The following COL24A1 variants were observed in gnomAD, a reference collection of about 807,000 sequenced individuals.
COL24A1 encodes collagen type XXIV alpha 1 chain.
A neutral mutation model predicts 253.9 loss-of-function variants in COL24A1; 224 were observed. The observed-to-expected ratio is 0.88, with a 90% CI of 0.79 to 0.99. COL24A1 has a LOEUF of 0.99. Among genes scored for constraint, COL24A1 ranks in the 50% least tolerant of loss-of-function variants. The pLI is 0.00. For missense variants in COL24A1, 2,131 were observed against 2,068.5 expected (o/e 1.03, Z -0.59); for synonymous variants, 685 against 673.7 (o/e 1.02, Z -0.26).
rs930098412 is a variant in COL24A1 at position 86,106,953 on chromosome 1, C to T, written c.1599+5614G>A. ...TGTTTAACAATTTAACAACACAGTC[C>T]TCAGGGATTAGGAATCAGTTTCACT... On this transcript the variant is annotated intron_variant, in intron 5 of 59. Coordinates refer to ENST00000370571, the MANE Select transcript of COL24A1 (RefSeq NM_152890.7). Among the ~76,000 whole-genome samples the T allele has an allele frequency of 1.2e-4, 19 of 152,204 alleles. 1 individual carries two copies. The highest frequency in any genetic ancestry group is 4.6e-4 in the Admixed American group (7 of 15,296).
chr1:85,948,217 C>T (rs1254186347), intron 24 of COL24A1, among the ~76,000 whole-genome samples: 1 of 152,126 alleles, frequency 6.6e-6, no homozygotes, highest in Non-Finnish European at 1.5e-5. Context: ...TTACCATGAA[C>T]TTTTTGGTAA....
intron 19 of COL24A1, among the ~76,000 whole-genome samples, chr1:86,007,781 A>G (rs568060764): frequency 2.0e-5 from 3 of 152,338 alleles, no homozygotes; most frequent in East Asian, 1.9e-4. Flanking sequence ...CAGTAAAAAG[A>G]TCAGTGCCCA....
intron 24 of COL24A1, among the ~76,000 whole-genome samples, chr1:85,943,138 C>T (rs1688912833): frequency 6.6e-6 from 1 of 152,208 alleles, no homozygotes; most frequent in South Asian, 2.1e-4. Flanking sequence ...TCTTCTGTTG[C>T]CTTGGACATT....
intron 19 of COL24A1, among the ~76,000 whole-genome samples, chr1:86,013,807 G>A (rs1315550185): frequency 6.6e-6 from 1 of 152,160 alleles, no homozygotes; most frequent in Non-Finnish European, 1.5e-5. Flanking sequence ...CTGCATTCCA[G>A]CCTGGGCGAG....
intron 55 of COL24A1, among the ~76,000 whole-genome samples, chr1:85,758,222 A>G (rs1558010617): frequency 6.6e-6 from 1 of 152,068 alleles, no homozygotes; most frequent in Non-Finnish European, 1.5e-5. Context: ...ATTTCAGGTC[A>G]CACCCCTCTT....
chr1:85,937,587 G>C lies in COL24A1; in HGVS notation c.2562+23662C>G, dbSNP rs961176599. Among the ~76,000 whole-genome samples, 3 of 147,594 alleles carry C rather than the reference G, an allele frequency of 2.0e-5. 1 individual carries two copies. Among genetic ancestry groups the C allele is most frequent in the South Asian group, 4.9e-4 (2 of 4,122 alleles). The stretch of plus-strand genomic sequence containing the variant: ...TTGATCATCAGTCACTTCAGTGCTG[G>C]ATGATGGATATATGAATGGAATGGA... On this transcript the variant is annotated intron_variant, in intron 24 of 59. Coordinates refer to ENST00000370571, the MANE Select transcript of COL24A1 (RefSeq NM_152890.7).
At chr1:85,850,970 T>C (rs918083866) in intron 37 of COL24A1, among the ~76,000 whole-genome samples, 1 of 149,324 alleles carries the variant, frequency 6.7e-6, no homozygotes, top group Admixed American at 6.8e-5. Flanking sequence ...ATAGAACCAA[T>C]ATATGTGTAT....
At chr1:85,767,711 C>T (rs542671642) in intron 53 of COL24A1, among the ~76,000 whole-genome samples, 29 of 151,996 alleles carry the variant, frequency 1.9e-4, no homozygotes, top group Non-Finnish European at 3.1e-4. Context: ...TCCCATCTCC[C>T]TTGGGTACTG....
intron 24 of COL24A1, among the ~76,000 whole-genome samples, chr1:85,953,906 G>A (rs752968270): frequency 2.6e-4 from 40 of 152,058 alleles, no homozygotes; most frequent in Non-Finnish European, 5.3e-4. Flanking sequence ...AACAAGTAAG[G>A]TGATCAAGTT....
Position 85,734,973 on chromosome 1 carries a change from A to G in COL24A1, c.4783-9T>C, listed in dbSNP as rs372006363. On this transcript the variant is annotated splice_polypyrimidine_tract_variant and intron_variant, in intron 58 of 59. Transcript: ENST00000370571. ...CCAACTCCAAACTCCAACTAATGTC[A>G]TAGAAATGATATGCAGGTTATAACA... 6.2e-7 allele frequency: 1 copy of G among 1,612,518 alleles called. No homozygotes were observed. The highest frequency in any genetic ancestry group is 2.2e-5 in the East Asian group (1 of 44,856).
In COL24A1 at chr1:85,729,740, A is replaced by G. The variant is rs557266200; in HGVS notation, c.*806T>C. 6.5e-6 allele frequency: 1 copy of G among 152,730 alleles called. No individual in the cohort carries two copies. The highest frequency in any genetic ancestry group is 1.9e-4 in the East Asian group (1 of 5,196). The allele number at this position is 152,730 out of a possible 1,614,324, so 9.5% of individuals were successfully genotyped here. The stretch of plus-strand genomic sequence containing the variant: ...CTGGCCTATAATAATTTTTACAACA[A>G]TTTAAAAAATAAAACAAAAACAAAG... On this transcript the variant is annotated 3_prime_UTR_variant, in exon 60 of 60. Coordinates refer to ENST00000370571, the MANE Select transcript of COL24A1 (RefSeq NM_152890.7).
At chr1:85,755,975 G>GA (rs1484720078) in intron 55 of COL24A1, among the ~76,000 whole-genome samples, 3 of 122,264 alleles carry the variant, frequency 2.5e-5, no homozygotes, top group Non-Finnish European at 3.3e-5. Context: ...CCAACGGATG[G>GA]AAAAAAATAA....
At chr1:85,782,370 G>C (rs557186601) in intron 51 of COL24A1, among the ~76,000 whole-genome samples, 29 of 152,332 alleles carry the variant, frequency 1.9e-4, no homozygotes, top group African/African-American at 6.5e-4. Context: ...TTACAGGTGT[G>C]AGCCACTGCA....
intron 23 of COL24A1, among the ~76,000 whole-genome samples, chr1:85,962,627 G>A (rs548463270): frequency 1.3e-5 from 2 of 152,270 alleles, no homozygotes; most frequent in South Asian, 4.1e-4. Flanking sequence ...CTGGTAATGA[G>A]AAAGCGTCAT....
At chr1:86,051,705 A>C (rs1047243273) in intron 10 of COL24A1, among the ~76,000 whole-genome samples, 2 of 152,114 alleles carry the variant, frequency 1.3e-5, no homozygotes, top group Non-Finnish European at 2.9e-5. Flanking sequence ...CACTTTATAA[A>C]TTCACTTGGA....
chr1:86,001,112 A>G (rs977098912), intron 19 of COL24A1, among the ~76,000 whole-genome samples: 2 of 152,150 alleles, frequency 1.3e-5, no homozygotes, highest in East Asian at 3.9e-4. Context: ...TTACAATTCC[A>G]TGAAAAGCTA....
rs201241499 is a variant in COL24A1 at position 86,033,865 on chromosome 1, C to G, written c.2004+5G>C. 1,297 of 1,603,660 alleles carry G rather than the reference C, an allele frequency of 8.1e-4. 3 individuals are homozygous for G. Among genetic ancestry groups the G allele is most frequent in the Non-Finnish European group, 1.0e-3 (1,170 of 1,175,702 alleles). On this transcript the variant is annotated splice_donor_5th_base_variant and intron_variant, in intron 13 of 59. Coordinates refer to ENST00000370571, the MANE Select transcript of COL24A1 (RefSeq NM_152890.7). ...TGCAAGGCTGAACCAACATAATGTA[C>G]TCACAGGACTGCCATCAAGACCAGC...
intron 19 of COL24A1, among the ~76,000 whole-genome samples, chr1:86,009,210 C>A (rs1220071752): frequency 6.6e-6 from 1 of 152,132 alleles, no homozygotes; most frequent in African/African-American, 2.4e-5. Flanking sequence ...CATCTCAACA[C>A]ACCATAAAGT....
Position 85,823,528 on chromosome 1 carries a change from C to G in COL24A1, c.3789+8G>C. On this transcript the variant is annotated splice_region_variant and intron_variant, in intron 45 of 59. Coordinates refer to ENST00000370571, the MANE Select transcript of COL24A1 (RefSeq NM_152890.7). Reference sequence around the variant, plus strand: ...CATCTCAAATTGCCTTAAATAATTTCAACTTACTTCAGATCCTCTCTCTCC... The same window carrying G: ...CATCTCAAATTGCCTTAAATAATTTGAACTTACTTCAGATCCTCTCTCTCC... 1 of 1,613,736 alleles carries G rather than the reference C, an allele frequency of 6.2e-7. No individual in the cohort carries two copies. Among genetic ancestry groups the G allele is most frequent in the Non-Finnish European group, 8.5e-7 (1 of 1,179,820 alleles).
Sources: allele counts gnomAD v4.1 joint callset (sites outside exome capture counted in the v4.1 genomes callset), GRCh38; gene constraint gnomAD v4.1.1; transcripts MANE v1.5; gene names NCBI Gene and HGNC (gene_info 2026-07-23, HGNC 2026-07-21).